SRPK1: variants seen among roughly 807,000 people sequenced by gnomAD.
The protein encoded by SRPK1 is SFRS protein kinase 1.
Under a neutral mutation model 89.5 loss-of-function variants are expected in SRPK1, and 52 were observed. The observed-to-expected ratio is 0.58, with a 90% confidence interval of 0.46 to 0.73. SRPK1 has a LOEUF of 0.73. SRPK1 is among the 30% of genes least tolerant of loss of function. The probability of loss-of-function intolerance (pLI) is 0.00; values close to 1 mark genes in which losing one functional copy is unlikely to be tolerated. For synonymous variants in SRPK1, 255 were observed against 270.2 expected, an observed-to-expected ratio of 0.94 and a Z score of 0.55; for missense variants, 603 against 780.6, an observed-to-expected ratio of 0.77 and a Z score of 2.71.
intron 14 of SRPK1, among the ~76,000 whole-genome samples, chr6:35,839,221 T>A (rs887333996): frequency 5.3e-5 from 8 of 152,204 alleles, no homozygotes; most frequent in Non-Finnish European, 8.8e-5. Flanking sequence ...CTTGGCATAC[T>A]GCCAAGCTGG....
At chr6:35,841,262 T>C (rs967772366) in intron 14 of SRPK1, among the ~76,000 whole-genome samples, 1 of 152,188 alleles carries the variant, frequency 6.6e-6, no homozygotes, top group Non-Finnish European at 1.5e-5. Flanking sequence ...AAATAGGCAT[T>C]CATGGGAATT....
At chr6:35,874,088 A>G (rs1770103264) in intron 7 of SRPK1, 145 bp downstream of exon 7, 1 of 607,642 alleles carries the variant, frequency 1.6e-6, no homozygotes, top group Admixed American at 2.9e-5. Flanking sequence ...CGGCCTCCCA[A>G]AGTGCTGGGA....
chr6:35,857,370 T>C lies in SRPK1; in HGVS notation c.1513-2A>G. On this transcript the variant is annotated splice_acceptor_variant, in intron 12 of 15. Coordinates refer to ENST00000373825, the MANE Select transcript of SRPK1 (RefSeq NM_003137.5). LOFTEE classifies it high-confidence loss of function. ...AATATCTTCAGTGAAATGTTTGTGC[T>C]GAGAAAATGAAGGAAACAATATTTT... is the stretch of plus-strand genomic sequence containing the variant. 6.3e-7 allele frequency: 1 copy of C among 1,598,934 alleles called. No individual in the cohort carries two copies. The highest frequency in any genetic ancestry group is 8.5e-7 in the Non-Finnish European group (1 of 1,170,592).
intron 6 of SRPK1, among the ~76,000 whole-genome samples, chr6:35,875,779 A>G (rs899892005): frequency 2.0e-5 from 3 of 152,186 alleles, no homozygotes; most frequent in Non-Finnish European, 4.4e-5. Context: ...GGATTGTCAC[A>G]GTGTCAAAAT....
intron 2 of SRPK1, among the ~76,000 whole-genome samples, chr6:35,911,988 A>G (rs1462554298): frequency 6.6e-6 from 1 of 152,052 alleles, no homozygotes; most frequent in Non-Finnish European, 1.5e-5. Context: ...AAATTGCCAC[A>G]GCTACTCCAA....
At chr6:35,893,826 C>T (rs1332942738) in intron 2 of SRPK1, among the ~76,000 whole-genome samples, 1 of 151,128 alleles carries the variant, frequency 6.6e-6, no homozygotes, top group Non-Finnish European at 1.5e-5. Flanking sequence ...GCCTGGCCAA[C>T]ATGGTGAAAC....
At chr6:35,864,154 C>A (rs1394884421) in intron 12 of SRPK1, among the ~76,000 whole-genome samples, 1 of 152,090 alleles carries the variant, frequency 6.6e-6, no homozygotes, top group African/African-American at 2.4e-5. Flanking sequence ...TGAGCAATAC[C>A]TCACGAGCAC....
chr6:35,863,041 C>T (rs1769817731), intron 12 of SRPK1, among the ~76,000 whole-genome samples: 1 of 151,882 alleles, frequency 6.6e-6, no homozygotes, highest in African/African-American at 2.4e-5. Context: ...GTCCCAGCTA[C>T]TCAGGAGGCT....
intron 2 of SRPK1, among the ~76,000 whole-genome samples, chr6:35,908,162 C>T (rs1770889550): frequency 6.6e-6 from 1 of 151,994 alleles, no homozygotes; most frequent in African/African-American, 2.4e-5. Flanking sequence ...AAATTGGTAC[C>T]ACAGAGAGTG....
At position 35,888,935 on chromosome 6, in the gene SRPK1, A is replaced by G; in HGVS notation, c.194-12T>C. ...AAGATGATAACCTCCTGGAAGAAAC[A>G]GGGGAAATACAATCAGAAAAACCAG... On this transcript the variant is annotated splice_polypyrimidine_tract_variant and intron_variant, in intron 3 of 15. Transcript: ENST00000373825. 6.4e-7 allele frequency: 1 copy of G among 1,556,278 alleles called. No individual in the cohort carries two copies.
At chr6:35,849,035 A>G (rs1327589539) in intron 13 of SRPK1, among the ~76,000 whole-genome samples, 4 of 152,214 alleles carry the variant, frequency 2.6e-5, no homozygotes, top group Non-Finnish European at 4.4e-5. Context: ...AAAGGAAACA[A>G]TAGTGTGAAG....
At chr6:35,882,710 A>C (rs936628619) in intron 6 of SRPK1, among the ~76,000 whole-genome samples, 1 of 152,222 alleles carries the variant, frequency 6.6e-6, no homozygotes, top group African/African-American at 2.4e-5. Flanking sequence ...AAGATTGGCT[A>C]TAAGTTGATA....
intron 12 of SRPK1, among the ~76,000 whole-genome samples, chr6:35,864,493 A>G (rs9470147): frequency 0.34 from 51,832 of 152,118 alleles, 9,113 homozygotes; most frequent in South Asian, 0.45. Flanking sequence ...TCAAAGCTAC[A>G]AGAGCATCTC....
rs530372442 is a variant in SRPK1, at chr6:35,921,065, C to A, written c.-9G>T. 11 of 1,527,654 alleles carry A rather than the reference C, an allele frequency of 7.2e-6. No individual in the cohort carries two copies. The highest frequency in any genetic ancestry group is 1.4e-5 in the African/African-American group (1 of 69,970). The allele number at this position is 1,527,654 out of a possible 1,614,324, so 94.6% of individuals were successfully genotyped here. A position where few individuals can be genotyped will look rare whatever the true frequency, so the allele number is the denominator to read the frequency against. ...TCACCTTTCCGCTCCATGGTGAGAC[C>A]GGTAATCGCCAGGCGCCTGCGCACT... On this transcript the variant is annotated 5_prime_UTR_variant, in exon 1 of 16. Coordinates refer to ENST00000373825, the MANE Select transcript of SRPK1 (RefSeq NM_003137.5).
At chr6:35,872,789 G>T in intron 7 of SRPK1, 61 bp from the exon 8 acceptor site, 12 of 1,368,838 alleles carry the variant, frequency 8.8e-6, no homozygotes, top group South Asian at 1.5e-5. Context: ...GGAGAAGTAA[G>T]AGATTATAAC....
At chr6:35,912,671 G>A (rs1432056728) in intron 2 of SRPK1, among the ~76,000 whole-genome samples, 1 of 152,158 alleles carries the variant, frequency 6.6e-6, no homozygotes, top group Non-Finnish European at 1.5e-5. Context: ...ACTAGTAACA[G>A]TGATAGAGAG....
At chr6:35,889,267 A>G (rs894358033) in intron 3 of SRPK1, among the ~76,000 whole-genome samples, 2 of 152,096 alleles carry the variant, frequency 1.3e-5, no homozygotes, top group Non-Finnish European at 2.9e-5. Context: ...TTACAGTCTC[A>G]GGTGTTTTTT....
chr6:35,887,400 A>G (rs1433728017), intron 5 of SRPK1, among the ~76,000 whole-genome samples: 1 of 152,184 alleles, frequency 6.6e-6, no homozygotes, highest in Non-Finnish European at 1.5e-5. Context: ...CTCCTGGTGC[A>G]ACATTCTCAC....
intron 13 of SRPK1, among the ~76,000 whole-genome samples, chr6:35,854,717 A>AG (rs146347797): frequency 0.25 from 32,128 of 126,734 alleles, 4,425 homozygotes; most frequent in South Asian, 0.39. Context: ...ATGTGGAATA[A>AG]AAAAAAAATG....
Sources: gnomAD v4.1 joint callset for allele counts (sites outside exome capture counted in the v4.1 genomes callset) on GRCh38, gnomAD v4.1.1 for gene constraint, MANE v1.5 for transcripts, NCBI Gene and HGNC (gene_info 2026-07-23, HGNC 2026-07-21) for gene names.